The following CSMD1 variants were observed in gnomAD, a reference collection of about 807,000 sequenced individuals.
CSMD1 encodes CUB and Sushi multiple domains 1.
CSMD1 carries 213 observed loss-of-function variants against 417.5 expected under a neutral mutation model. That is an observed-to-expected ratio of 0.51 (90% CI 0.46 to 0.57). CSMD1 has a LOEUF of 0.57. CSMD1 is among the 20% of genes least tolerant of loss of function. The pLI is 0.00. For synonymous variants in CSMD1, 2,862 were observed against 1,736.8 expected (o/e 1.65, Z -16.11); for missense variants, 6,923 against 4,529.7 (o/e 1.53, Z -15.17).
intron 3 of CSMD1, among the ~76,000 whole-genome samples, chr8:4,159,997 C>T (rs566850847): frequency 7.1e-4 from 108 of 152,012 alleles, no homozygotes; most frequent in African/African-American, 2.5e-3. Flanking sequence ...ATGTATAATG[C>T]TCTGGTGATG....
At chr8:3,301,347 G>T (rs1322647025) in intron 25 of CSMD1, among the ~76,000 whole-genome samples, 1 of 152,058 alleles carries the variant, frequency 6.6e-6, no homozygotes, top group Non-Finnish European at 1.5e-5. Flanking sequence ...TTCAGATGGG[G>T]TCTAAATGAG....
At chr8:4,193,384 A>C (rs1175574390) in intron 3 of CSMD1, among the ~76,000 whole-genome samples, 1 of 152,220 alleles carries the variant, frequency 6.6e-6, no homozygotes, top group South Asian at 2.1e-4. Flanking sequence ...CTGAGTATCA[A>C]AATGAATATT....
intron 50 of CSMD1, among the ~76,000 whole-genome samples, chr8:3,050,688 G>A (rs139151027): frequency 2.6e-5 from 4 of 152,180 alleles, no homozygotes; most frequent in African/African-American, 9.6e-5. Context: ...ATTCAATATT[G>A]TCTGACTCTC....
At chr8:4,362,937 A>C (rs1801856771) in intron 3 of CSMD1, among the ~76,000 whole-genome samples, 1 of 152,228 alleles carries the variant, frequency 6.6e-6, no homozygotes. Context: ...TGTTAGGACA[A>C]GTCTATGTAA....
intron 4 of CSMD1, among the ~76,000 whole-genome samples, chr8:4,026,548 T>C (rs1333077549): frequency 1.5e-4 from 23 of 152,156 alleles, no homozygotes. Flanking sequence ...TGAAGGAAAA[T>C]ACTCTTGGCT....
chr8:4,242,244 CT>C (rs1802447014), intron 3 of CSMD1, among the ~76,000 whole-genome samples: 1 of 152,078 alleles, frequency 6.6e-6, no homozygotes, highest in Admixed American at 6.6e-5. Context: ...ATTTGCCAAT[CT>C]TTATAAACAT....
chr8:4,002,286 A>G (rs1212552581), intron 4 of CSMD1, among the ~76,000 whole-genome samples: 2 of 152,100 alleles, frequency 1.3e-5, no homozygotes, highest in African/African-American at 2.4e-5. Context: ...CACCTGCTAT[A>G]GTGCTGTAAG....
chr8:4,800,127 T>C (rs1421274140), intron 1 of CSMD1, among the ~76,000 whole-genome samples: 4 of 152,150 alleles, frequency 2.6e-5, no homozygotes, highest in Non-Finnish European at 4.4e-5. Context: ...GTTTCCTATA[T>C]AATTGTTATT....
chr8:3,410,415 G>A (rs1036170449), intron 12 of CSMD1, among the ~76,000 whole-genome samples: 2 of 152,138 alleles, frequency 1.3e-5, no homozygotes, highest in Non-Finnish European at 2.9e-5. Flanking sequence ...CACGTGTTGT[G>A]GCAGGGATCT....
intron 3 of CSMD1, among the ~76,000 whole-genome samples, chr8:4,077,868 C>T (rs1167405907): frequency 6.6e-6 from 1 of 152,134 alleles, no homozygotes; most frequent in Non-Finnish European, 1.5e-5. Flanking sequence ...CTTCCTTTCT[C>T]TGACTTGTAA....
intron 12 of CSMD1, among the ~76,000 whole-genome samples, chr8:3,460,941 T>C (rs1816461534): frequency 6.6e-6 from 1 of 152,124 alleles, no homozygotes; most frequent in South Asian, 2.1e-4. Flanking sequence ...GCTAGTTTTG[T>C]TTCAAGGGAT....
At chr8:3,104,050 CCT>C (rs1815952608) in intron 46 of CSMD1, among the ~76,000 whole-genome samples, 1 of 152,096 alleles carries the variant, frequency 6.6e-6, no homozygotes. Context: ...ACCAAAATTC[CCT>C]GTTTTTAGAG....
intron 1 of CSMD1, among the ~76,000 whole-genome samples, chr8:4,681,751 G>T (rs977133589): frequency 6.6e-6 from 1 of 152,052 alleles, no homozygotes; most frequent in Non-Finnish European, 1.5e-5. Flanking sequence ...TGAAAAATTA[G>T]CATCCTCTGA....
chr8:3,400,180 A>C (rs1379246471), intron 15 of CSMD1, among the ~76,000 whole-genome samples: 1 of 152,182 alleles, frequency 6.6e-6, no homozygotes, highest in Non-Finnish European at 1.5e-5. Context: ...GTGATTATGC[A>C]TACCTGTATC....
Position 3,041,050 on chromosome 8 carries a change from T to A in CSMD1, c.7660+11412A>T, listed in dbSNP as rs1811059880. ...TATCGGTAAATAAATTATCAATATT[T>A]CTGTACAAGAAATAATAATTTTCTT... On this transcript the variant is annotated intron_variant, in intron 50 of 69. Coordinates refer to ENST00000635120, the MANE Select transcript of CSMD1 (RefSeq NM_033225.6). 2.0e-5 allele frequency among the ~76,000 whole-genome samples: 3 copies of A among 152,158 alleles called. No individual in the cohort carries two copies. The South Asian group carries it at 6.2e-4, about 31-fold the overall frequency.
At chr8:3,275,700 A>C (rs889696962) in intron 26 of CSMD1, among the ~76,000 whole-genome samples, 18 of 151,754 alleles carry the variant, frequency 1.2e-4, no homozygotes, top group Non-Finnish European at 1.8e-4. Context: ...CACTGATACC[A>C]TTTCTTCCAG....
chr8:3,511,599 T>C (rs951115608), intron 10 of CSMD1, among the ~76,000 whole-genome samples: 1 of 150,990 alleles, frequency 6.6e-6, no homozygotes, highest in Non-Finnish European at 1.5e-5. Flanking sequence ...ACTAAAAATA[T>C]GAAAAAAGAT....
intron 3 of CSMD1, among the ~76,000 whole-genome samples, chr8:4,373,275 G>C (rs1462330371): frequency 6.6e-6 from 1 of 152,176 alleles, no homozygotes; most frequent in African/African-American, 2.4e-5. Context: ...TAAATGTCAA[G>C]TGTGATCCAG....
intron 23 of CSMD1, among the ~76,000 whole-genome samples, chr8:3,321,803 T>C (rs1219338246): frequency 6.6e-6 from 1 of 152,230 alleles, no homozygotes; most frequent in African/African-American, 2.4e-5. Flanking sequence ...GTGAGCTGAT[T>C]TTCAAAATCG....
Sources: gnomAD v4.1 joint callset for allele counts (sites outside exome capture counted in the v4.1 genomes callset) on GRCh38, gnomAD v4.1.1 for gene constraint, MANE v1.5 for transcripts, NCBI Gene and HGNC (gene_info 2026-07-23, HGNC 2026-07-21) for gene names.